Variants in SGF29 observed in about 807,000 individuals in gnomAD.
The protein encoded by SGF29 is SAGA complex associated factor 29.
SGF29 carries 15 observed loss-of-function variants against 38.1 expected under a neutral mutation model. The observed-to-expected ratio is 0.39, with a 90% CI of 0.26 to 0.61. The LOEUF (loss-of-function observed/expected upper bound fraction) is 0.61. SGF29 is among the 20% of genes least tolerant of loss of function. The pLI is 0.49. For synonymous variants in SGF29, 151 were observed against 160.8 expected (o/e 0.94, Z 0.46); for missense variants, 184 against 394.6 (o/e 0.47, Z 4.52).
chr16:28,566,091 G>T (rs1260115440), intron 1 of SGF29, among the ~76,000 whole-genome samples: 2 of 151,546 alleles, frequency 1.3e-5, no homozygotes, highest in African/African-American at 2.4e-5. Context: ...GGCTAACACG[G>T]TGAAACCCCG....
chr16:28,566,772 G>A (rs1335426296), intron 1 of SGF29, among the ~76,000 whole-genome samples: 1 of 152,022 alleles, frequency 6.6e-6, no homozygotes, highest in Non-Finnish European at 1.5e-5. Flanking sequence ...GCAACAGAGT[G>A]AGACCCCATC....
intron 1 of SGF29, among the ~76,000 whole-genome samples, chr16:28,563,718 T>C (rs1004036114): frequency 7.2e-6 from 1 of 139,062 alleles, no homozygotes; most frequent in African/African-American, 2.7e-5. Flanking sequence ...AAACAGACTT[T>C]TTTTTTTTTT....
At position 28,585,998 on chromosome 16, in the gene SGF29, CAG is replaced by C. The variant is rs147381004; in HGVS notation, c.224+279_224+280del. On this transcript the variant is annotated intron_variant, in intron 4 of 9. Coordinates refer to ENST00000317058, the MANE Select transcript of SGF29 (RefSeq NM_138414.3). ...GGCAGAGTCATTAAAATAGGGATATCAGGGGCTGGGTAGCTCAGATCTGTAAT... is the reference window on the plus strand; with the variant it reads ...GGCAGAGTCATTAAAATAGGGATATCGGGCTGGGTAGCTCAGATCTGTAAT... Among the ~76,000 whole-genome samples, 1,083 of 152,276 alleles carry C rather than the reference CAG, an allele frequency of 7.1e-3. 6 individuals carry two copies. Among genetic ancestry groups the C allele is most frequent in the Non-Finnish European group, 0.011 (781 of 68,034 alleles).
At chr16:28,569,810 C>G (rs2151646007) in intron 1 of SGF29, among the ~76,000 whole-genome samples, 1 of 152,298 alleles carries the variant, frequency 6.6e-6, no homozygotes, top group East Asian at 1.9e-4. Context: ...ACCCCCATCA[C>G]AGGCCCAGAA....
Position 28,571,591 on chromosome 16 carries a change from T to TAAAA in SGF29, c.-15-9449_-15-9446dup, listed in dbSNP as rs143979584. 4.6e-4 allele frequency among the ~76,000 whole-genome samples: 58 copies of TAAAA among 127,304 alleles called. 1 individual carries two copies. The highest frequency in any genetic ancestry group is 1.2e-3 in the East Asian group (5 of 4,332). 83.5% of individuals were successfully genotyped at this position (127,304 alleles called of 152,430 possible). ...CTGGCGACAGAACTAGACTCCGCCT[T>TAAAA]AAAAAAAAAAAAAAAAAAGATTCTG... On this transcript the variant is annotated intron_variant, in intron 1 of 9. Transcript: ENST00000317058.
At position 28,589,232 on chromosome 16, in the gene SGF29, T is replaced by TCA. The variant is rs2046972690; in HGVS notation, c.289+70_289+71dup. The TCA allele has an allele frequency of 3.2e-6, 5 of 1,559,496 alleles. No individual in the cohort carries two copies. The African/African-American group carries it at 6.8e-5, about 21-fold the overall frequency. On this transcript the variant is annotated intron_variant, in intron 5 of 9. Transcript: ENST00000317058. ...AGAGGAGAGGCCCTGCGGGCAGCAG[T>TCA]CACCCTCCTGTGGGGGCCTGTGGCC...
rs147352974 is a variant in SGF29 at position 28,578,534 on chromosome 16, T to C, written c.-15-2521T>C. Reference sequence around the variant, plus strand: ...TCTATTCCTAGTTTGTATGTTATTATACTTTTAAATAGCAGCAGCAGAGCA... The same window carrying C: ...TCTATTCCTAGTTTGTATGTTATTACACTTTTAAATAGCAGCAGCAGAGCA... On this transcript the variant is annotated intron_variant, in intron 1 of 9. Coordinates refer to ENST00000317058, the MANE Select transcript of SGF29 (RefSeq NM_138414.3). 2.3e-3 allele frequency among the ~76,000 whole-genome samples: 344 copies of C among 152,246 alleles called. 2 individuals are homozygous for C. The highest frequency in any genetic ancestry group is 7.7e-3 in the African/African-American group (318 of 41,540).
intron 1 of SGF29, among the ~76,000 whole-genome samples, chr16:28,573,529 G>C (rs2046877455): frequency 6.6e-6 from 1 of 152,246 alleles, no homozygotes; most frequent in Non-Finnish European, 1.5e-5. Flanking sequence ...AAGAGGAACA[G>C]AGGTGGGGGC....
intron 4 of SGF29, among the ~76,000 whole-genome samples, chr16:28,587,224 T>C (rs1002897683): frequency 3.9e-5 from 6 of 152,246 alleles, no homozygotes; most frequent in Admixed American, 3.9e-4. Context: ...CACACTAGTT[T>C]TAGCATCCAT....
chr16:28,585,662 C>T lies in SGF29; in HGVS notation c.166C>T (p.Arg56Trp), dbSNP rs2046952572. The T allele has an allele frequency of 1.2e-6, 2 of 1,614,050 alleles. No individual in the cohort carries two copies. The highest frequency in any genetic ancestry group is 3.3e-5 in the Admixed American group (2 of 60,008). The change falls in exon 4 of 10, where the codon CGG becomes TGG. Residue 56 changes from arginine to tryptophan, a missense_variant. This residue lies in a region of SGF29 where 77 missense variants were observed against 117.7 expected (regional missense o/e 0.65). Transcript: ENST00000317058. ...QTENKISPYY[R>W]TKLRGLYTTA... ...TTCCTCTGCAGTTTCTCCCTATTAC[C>T]GGACAAAGCTGCGTGGCCTCTACAC...
At chr16:28,568,748 A>G (rs2046848225) in intron 1 of SGF29, among the ~76,000 whole-genome samples, 1 of 152,104 alleles carries the variant, frequency 6.6e-6, no homozygotes, top group African/African-American at 2.4e-5. Context: ...CCCTGTCTGT[A>G]CTAAAAATAC....
chr16:28,568,903 C>T (rs2046848979), intron 1 of SGF29, among the ~76,000 whole-genome samples: 1 of 146,842 alleles, frequency 6.8e-6, no homozygotes, highest in African/African-American at 2.5e-5. Flanking sequence ...CAGAGTAAGA[C>T]TCCATCTCAA....
chr16:28,562,096 C>T (rs1043555551), intron 1 of SGF29, among the ~76,000 whole-genome samples: 2 of 152,180 alleles, frequency 1.3e-5, no homozygotes, highest in East Asian at 1.9e-4. Flanking sequence ...GCCAGGCCAT[C>T]ATCGTGGGGT....
intron 4 of SGF29, among the ~76,000 whole-genome samples, chr16:28,587,098 G>A (rs191205785): frequency 1.3e-5 from 2 of 152,264 alleles, no homozygotes; most frequent in East Asian, 3.9e-4. Flanking sequence ...CACCCACCTT[G>A]GCCTCCCAAA....
chr16:28,554,780 C>A (rs2046737388), intron 1 of SGF29, among the ~76,000 whole-genome samples: 1 of 152,216 alleles, frequency 6.6e-6, no homozygotes, highest in African/African-American at 2.4e-5. Context: ...TTGGTCTCCA[C>A]CACTCCACTA....
rs185915826 is a variant in SGF29, at chr16:28,553,947, G to C, written c.-166G>C. On this transcript the variant is annotated 5_prime_UTR_variant, in exon 1 of 10. Transcript: ENST00000317058. ...TCCGCGCGCGACTACGCTCATAAAA[G>C]GAAAAAAAAGCGTGTGCGGTTCTCG... 8.9e-6 allele frequency: 1 copy of C among 111,830 alleles called. No individual in the cohort carries two copies. The highest frequency in any genetic ancestry group is 2.1e-4 in the East Asian group (1 of 4,676). The allele number at this position is 111,830 out of a possible 1,614,324, so 6.9% of individuals were successfully genotyped here. A position where few individuals can be genotyped will look rare whatever the true frequency, so the allele number is the denominator to read the frequency against.
intron 1 of SGF29, among the ~76,000 whole-genome samples, chr16:28,570,326 GCTCTGTTGGGTTTTGGACTTA>G (rs941989061): frequency 6.6e-6 from 1 of 152,186 alleles, no homozygotes; most frequent in Non-Finnish European, 1.5e-5. Context: ...AATGGGGTTT[GCTCTGTTGGGTTTTGGACTTA>G]CCTGGGACCT....
intron 1 of SGF29, among the ~76,000 whole-genome samples, chr16:28,561,025 C>G (rs2046785727): frequency 1.3e-5 from 2 of 150,940 alleles, no homozygotes; most frequent in South Asian, 4.2e-4. Context: ...TTGGTATCAA[C>G]TGACAAGAAT....
chr16:28,580,256 A>G (rs955982844), intron 1 of SGF29, among the ~76,000 whole-genome samples: 2 of 152,214 alleles, frequency 1.3e-5, no homozygotes, highest in Non-Finnish European at 2.9e-5. Context: ...AGGAGAATCC[A>G]AGGATAGCTT....
Sources: allele counts gnomAD v4.1 joint callset (sites outside exome capture counted in the v4.1 genomes callset), GRCh38; gene constraint gnomAD v4.1.1; regional missense constraint gnomAD v4.1.1; transcripts MANE v1.5; gene names NCBI Gene and HGNC (gene_info 2026-07-23, HGNC 2026-07-21).